Variants in H4C1 observed in about 807,000 individuals in gnomAD.
The protein encoded by H4C1 is histone H4.
Under a neutral mutation model 4.4 loss-of-function variants are expected in H4C1, and 9 were observed. That is an observed-to-expected ratio of 2.05 (90% CI 1.23 to 3.57). The LOEUF (loss-of-function observed/expected upper bound fraction) is 3.57. Among genes scored for constraint, H4C1 ranks in the 30% most tolerant of loss-of-function variants. The pLI, the probability that H4C1 is intolerant of heterozygous loss-of-function variation, is 0.00. For missense variants in H4C1, 124 were observed against 148.8 expected, an observed-to-expected ratio of 0.83 and a Z score of 0.87; for synonymous variants, 74 against 57.9, an observed-to-expected ratio of 1.28 and a Z score of -1.27.
chr6:26,021,782 T>C lies in H4C1; in HGVS notation c.104T>C (p.Ile35Thr). Residue 35 changes from isoleucine to threonine, a missense_variant, in exon 1 of 1, where the codon ATC becomes ACC. By Grantham distance (89) the Ile-to-Thr change is moderately conservative. Coordinates refer to ENST00000617569, the MANE Select transcript of H4C1 (RefSeq NM_003538.4). ...DNIQGITKPAIRRLARRGGVK... is the reference protein window; with the variant it reads ...DNIQGITKPATRRLARRGGVK... ...ATCCAGGGCATCACCAAGCCGGCCA[T>C]CCGGCGTCTGGCCCGGCGTGGCGGT... is the stretch of plus-strand genomic sequence containing the variant. 2 of 1,614,268 alleles carry C rather than the reference T, an allele frequency of 1.2e-6. No homozygotes were observed. The highest frequency in any genetic ancestry group is 1.7e-6 in the Non-Finnish European group (2 of 1,180,036).
chr6:26,022,039 C>T lies in H4C1; in HGVS notation c.*49C>T, dbSNP rs2113668592. 6.7e-7 allele frequency: 1 copy of T among 1,496,548 alleles called. No individual in the cohort carries two copies. Among genetic ancestry groups the T allele is most frequent in the Non-Finnish European group, 9.0e-7 (1 of 1,113,962 alleles). The allele number at this position is 1,496,548 out of a possible 1,614,324, so 92.7% of individuals were successfully genotyped here. A position where few individuals can be genotyped will look rare whatever the true frequency, so the allele number is the denominator to read the frequency against. On this transcript the variant is annotated 3_prime_UTR_variant, in exon 1 of 1. Coordinates refer to ENST00000617569, the MANE Select transcript of H4C1 (RefSeq NM_003538.4). ...GCATTTCTGAACCAAAGGCCCTTTT[C>T]AGGGCCGCCCAACTAAACAAAAGAA...
In H4C1 at chr6:26,021,914, G is replaced by C. The variant is rs143300286; in HGVS notation, c.236G>C (p.Arg79Pro). The C allele has an allele frequency of 1.9e-4, 310 of 1,613,986 alleles. No individual in the cohort carries two copies. The highest frequency in any genetic ancestry group is 1.3e-3 in the Middle Eastern group (8 of 6,084). Residue 79 changes from arginine to proline, a missense_variant, in exon 1 of 1, where the codon CGC (arginine) becomes CCC (proline). By Grantham distance (103) the Arg-to-Pro change is moderately radical. Coordinates refer to ENST00000617569, the MANE Select transcript of H4C1 (RefSeq NM_003538.4). ...GTCACCTATACGGAGCACGCCAAGCGCAAGACAGTCACTGCCATGGACGTG... is the reference window on the plus strand; with the variant it reads ...GTCACCTATACGGAGCACGCCAAGCCCAAGACAGTCACTGCCATGGACGTG... ...DAVTYTEHAK[R>P]KTVTAMDVVY...
rs1421330119 is a variant in H4C1 at position 26,021,853 on chromosome 6, C to T, written c.175C>T (p.Leu59Phe). The change falls in exon 1 of 1, where the codon CTC becomes TTC. Residue 59 changes from leucine to phenylalanine, a missense_variant. Transcript: ENST00000617569. ...GATCTACGAGGAGACTCGCGGGGTG[C>T]TCAAGGTGTTTTTGGAGAACGTGAT... ...GLIYEETRGV[L>F]KVFLENVIRD... 1 of 1,614,234 alleles carries T rather than the reference C, an allele frequency of 6.2e-7. No homozygotes were observed. Among genetic ancestry groups the T allele is most frequent in the South Asian group, 1.1e-5 (1 of 91,084 alleles).
Position 26,021,827 on chromosome 6 carries a change from T to A in H4C1, c.149T>A (p.Leu50Gln). 6.2e-7 allele frequency: 1 copy of A among 1,614,256 alleles called. No individual in the cohort carries two copies. The highest frequency in any genetic ancestry group is 1.3e-5 in the African/African-American group (1 of 75,084). ...RRGGVKRISGLIYEETRGVLK... is the reference protein window; with the variant it reads ...RRGGVKRISGQIYEETRGVLK... ...GGCGGTGTGAAGCGGATCTCTGGTCTGATCTACGAGGAGACTCGCGGGGTG... is the reference window on the plus strand; with the variant it reads ...GGCGGTGTGAAGCGGATCTCTGGTCAGATCTACGAGGAGACTCGCGGGGTG... Residue 50 changes from leucine to glutamine, a missense_variant, in exon 1 of 1, where the codon CTG becomes CAG. Transcript: ENST00000617569.
chr6:26,021,934 G>A lies in H4C1; in HGVS notation c.256G>A (p.Asp86Asn), dbSNP rs769055514. 2 of 1,613,442 alleles carry A rather than the reference G, an allele frequency of 1.2e-6. No individual in the cohort carries two copies. Among genetic ancestry groups the A allele is most frequent in the South Asian group, 2.2e-5 (2 of 91,038 alleles). ...CAAGCGCAAGACAGTCACTGCCATG[G>A]ACGTGGTCTACGCGCTTAAGCGCCA... ...HAKRKTVTAMDVVYALKRQGR... is the reference protein window; with the variant it reads ...HAKRKTVTAMNVVYALKRQGR... Residue 86 changes from aspartate to asparagine, a missense_variant, in exon 1 of 1, where the codon GAC becomes AAC. Transcript: ENST00000617569.
chr6:26,022,033 C>T lies in H4C1; in HGVS notation c.*43C>T, dbSNP rs781561667. ...CAGCTTGCATTTCTGAACCAAAGGC[C>T]CTTTTCAGGGCCGCCCAACTAAACA... On this transcript the variant is annotated 3_prime_UTR_variant, in exon 1 of 1. Transcript: ENST00000617569. The T allele has an allele frequency of 6.6e-7, 1 of 1,519,420 alleles. No individual in the cohort carries two copies. Among genetic ancestry groups the T allele is most frequent in the South Asian group, 1.3e-5 (1 of 75,994 alleles). 94.1% of individuals were successfully genotyped at this position (1,519,420 alleles called of 1,614,324 possible).
rs1396534618 is a variant in H4C1 at position 26,021,653 on chromosome 6, G to C, written c.-26G>C. On this transcript the variant is annotated 5_prime_UTR_variant, in exon 1 of 1. Transcript: ENST00000617569. ...AGATCGGTTTCCTATTCTCTCACTTGCTCTTGGTTCACTTCTTGGGAAGTC... is the reference window on the plus strand; with the variant it reads ...AGATCGGTTTCCTATTCTCTCACTTCCTCTTGGTTCACTTCTTGGGAAGTC... The C allele has an allele frequency of 3.2e-6, 5 of 1,561,632 alleles. No homozygotes were observed. In the African/African-American group the frequency reaches 6.8e-5, roughly 21 times the overall value.
In H4C1 at chr6:26,021,968, C is replaced by T. The variant is rs902831925; in HGVS notation, c.290C>T (p.Thr97Ile). 6.3e-7 allele frequency: 1 copy of T among 1,594,560 alleles called. No individual in the cohort carries two copies. Among genetic ancestry groups the T allele is most frequent in the African/African-American group, 1.3e-5 (1 of 74,494 alleles). ...TACGCGCTTAAGCGCCAGGGACGCA[C>T]CCTTTATGGCTTTGGCGGTTAAGGT... The part of the protein sequence containing the change: ...VVYALKRQGR[T>I]LYGFGG The change falls in exon 1 of 1, where the codon ACC becomes ATC. Residue 97 changes from threonine (T) to isoleucine (I), a missense_variant. Coordinates refer to ENST00000617569, the MANE Select transcript of H4C1 (RefSeq NM_003538.4).
rs1183022622 is a variant in H4C1 at position 26,021,855 on chromosome 6, C to T, written c.177C>T (p.Leu59=). ...TCTACGAGGAGACTCGCGGGGTGCT[C>T]AAGGTGTTTTTGGAGAACGTGATCC... ...GLIYEETRGV[L]KVFLENVIRD... The change falls in exon 1 of 1, where the codon CTC becomes CTT. Residue 59 remains leucine, a synonymous_variant. Transcript: ENST00000617569. 15 of 1,614,118 alleles carry T rather than the reference C, an allele frequency of 9.3e-6. No homozygotes were observed. The highest frequency in any genetic ancestry group is 6.7e-5 in the African/African-American group (5 of 74,954).
At position 26,021,933 on chromosome 6, in the gene H4C1, G is replaced by A. The variant is rs1761265811; in HGVS notation, c.255G>A (p.Met85Ile). 6.2e-7 allele frequency: 1 copy of A among 1,613,328 alleles called. No homozygotes were observed. The highest frequency in any genetic ancestry group is 1.7e-5 in the Admixed American group (1 of 59,956). ...EHAKRKTVTA[M>I]DVVYALKRQG... Reference sequence around the variant, plus strand: ...CCAAGCGCAAGACAGTCACTGCCATGGACGTGGTCTACGCGCTTAAGCGCC... The same window carrying A: ...CCAAGCGCAAGACAGTCACTGCCATAGACGTGGTCTACGCGCTTAAGCGCC... The change falls in exon 1 of 1, where the codon ATG (methionine) becomes ATA (isoleucine). Residue 85 changes from methionine to isoleucine, a missense_variant. Met to Ile is a conservative substitution (Grantham distance 10). Coordinates refer to ENST00000617569, the MANE Select transcript of H4C1 (RefSeq NM_003538.4).
rs199857326 is a variant in H4C1 at position 26,021,923 on chromosome 6, T to G, written c.245T>G (p.Val82Gly). The G allele has an allele frequency of 1.2e-6, 2 of 1,613,844 alleles. No individual in the cohort carries two copies. The highest frequency in any genetic ancestry group is 4.5e-5 in the East Asian group (2 of 44,886). Residue 82 changes from valine to glycine, a missense_variant, in exon 1 of 1, where the codon GTC becomes GGC. Val to Gly is a moderately radical substitution (Grantham distance 109). Coordinates refer to ENST00000617569, the MANE Select transcript of H4C1 (RefSeq NM_003538.4). ...ACGGAGCACGCCAAGCGCAAGACAG[T>G]CACTGCCATGGACGTGGTCTACGCG... is the stretch of plus-strand genomic sequence containing the variant. The part of the protein sequence containing the change: ...TYTEHAKRKT[V>G]TAMDVVYALK...
Position 26,021,963 on chromosome 6 carries a change from A to T in H4C1, c.285A>T (p.Gly95=), listed in dbSNP as rs200711065. 2.5e-6 allele frequency: 4 copies of T among 1,607,430 alleles called. No homozygotes were observed. Among genetic ancestry groups the T allele is most frequent in the African/African-American group, 1.3e-5 (1 of 74,932 alleles). Residue 95 remains glycine, a synonymous_variant, in exon 1 of 1, where the codon GGA becomes GGT. Coordinates refer to ENST00000617569, the MANE Select transcript of H4C1 (RefSeq NM_003538.4). ...MDVVYALKRQ[G]RTLYGFGG is the part of the protein sequence containing the mutation. ...TGGTCTACGCGCTTAAGCGCCAGGG[A>T]CGCACCCTTTATGGCTTTGGCGGTT...
rs1396534618 is a variant in H4C1, at chr6:26,021,653, G to A, written c.-26G>A. ...AGATCGGTTTCCTATTCTCTCACTT[G>A]CTCTTGGTTCACTTCTTGGGAAGTC... On this transcript the variant is annotated 5_prime_UTR_variant, in exon 1 of 1. Transcript: ENST00000617569. 3.2e-6 allele frequency: 5 copies of A among 1,561,632 alleles called. No individual in the cohort carries two copies. In the East Asian group the frequency reaches 9.0e-5, roughly 28 times the overall value.
chr6:26,021,712 G>A lies in H4C1; in HGVS notation c.34G>A (p.Gly12Ser). 3.7e-6 allele frequency: 6 copies of A among 1,612,678 alleles called. No individual in the cohort carries two copies. The highest frequency in any genetic ancestry group is 4.2e-6 in the Non-Finnish European group (5 of 1,179,100). Reference protein sequence around the residue: ...SGRGKGGKGLGKGGAKRHRKV... With the variant: ...SGRGKGGKGLSKGGAKRHRKV... Reference sequence around the variant, plus strand: ...ACGTGGTAAGGGCGGGAAGGGTTTGGGTAAGGGGGGTGCCAAGCGCCACCG... The same window carrying A: ...ACGTGGTAAGGGCGGGAAGGGTTTGAGTAAGGGGGGTGCCAAGCGCCACCG... The change falls in exon 1 of 1, where the codon GGT (glycine) becomes AGT (serine). Residue 12 changes from glycine (G) to serine (S), a missense_variant. Coordinates refer to ENST00000617569, the MANE Select transcript of H4C1 (RefSeq NM_003538.4).
chr6:26,021,920 C>G lies in H4C1; in HGVS notation c.242C>G (p.Thr81Arg), dbSNP rs1414545615. 1 of 1,613,852 alleles carries G rather than the reference C, an allele frequency of 6.2e-7. No individual in the cohort carries two copies. Among genetic ancestry groups the G allele is most frequent in the Non-Finnish European group, 8.5e-7 (1 of 1,179,868 alleles). ...VTYTEHAKRK[T>R]VTAMDVVYAL... ...TATACGGAGCACGCCAAGCGCAAGA[C>G]AGTCACTGCCATGGACGTGGTCTAC... The change falls in exon 1 of 1, where the codon ACA becomes AGA. Residue 81 changes from threonine (T) to arginine (R), a missense_variant. Thr to Arg is a moderately conservative substitution (Grantham distance 71). Transcript: ENST00000617569.
At position 26,021,748 on chromosome 6, in the gene H4C1, C is replaced by A. The variant is rs1453895582; in HGVS notation, c.70C>A (p.Arg24Ser). The A allele has an allele frequency of 6.2e-7, 1 of 1,614,062 alleles. No homozygotes were observed. The highest frequency in any genetic ancestry group is 1.3e-5 in the African/African-American group (1 of 74,952). ...GGAKRHRKVLRDNIQGITKPA... is the reference protein window; with the variant it reads ...GGAKRHRKVLSDNIQGITKPA... ...TGCCAAGCGCCACCGCAAGGTGTTGCGTGACAACATCCAGGGCATCACCAA... is the reference window on the plus strand; with the variant it reads ...TGCCAAGCGCCACCGCAAGGTGTTGAGTGACAACATCCAGGGCATCACCAA... The change falls in exon 1 of 1, where the codon CGT (arginine) becomes AGT (serine). Residue 24 changes from arginine (R) to serine (S), a missense_variant. By Grantham distance (110) the Arg-to-Ser change is moderately radical (BLOSUM62 -1). Transcript: ENST00000617569.
rs1288771063 is a variant in H4C1 at position 26,021,787 on chromosome 6, C to T, written c.109C>T (p.Arg37Cys). The T allele has an allele frequency of 1.2e-5, 19 of 1,614,158 alleles. No homozygotes were observed. The highest frequency in any genetic ancestry group is 1.6e-5 in the Non-Finnish European group (19 of 1,180,046). The change falls in exon 1 of 1, where the codon CGT becomes TGT. Residue 37 changes from arginine to cysteine, a missense_variant. Physicochemically the swap from Arg to Cys is radical, Grantham distance 180. Transcript: ENST00000617569. ...IQGITKPAIR[R>C]LARRGGVKRI... is the part of the protein sequence containing the mutation. ...GGGCATCACCAAGCCGGCCATCCGG[C>T]GTCTGGCCCGGCGTGGCGGTGTGAA...
In H4C1 at chr6:26,022,016, A is replaced by G. The variant is rs3734528; in HGVS notation, c.*26A>G. ...GGTTGCTGATTTCTCCACAGCTTGCATTTCTGAACCAAAGGCCCTTTTCAG... is the reference window on the plus strand; with the variant it reads ...GGTTGCTGATTTCTCCACAGCTTGCGTTTCTGAACCAAAGGCCCTTTTCAG... On this transcript the variant is annotated 3_prime_UTR_variant, in exon 1 of 1. Coordinates refer to ENST00000617569, the MANE Select transcript of H4C1 (RefSeq NM_003538.4). 0.11 allele frequency: 162,484 copies of G among 1,537,324 alleles called. 9,313 individuals carry two copies. The highest frequency in any genetic ancestry group is 0.12 in the Non-Finnish European group (135,268 of 1,142,678).
rs1172846291 is a variant in H4C1, at chr6:26,021,656, C to T, written c.-23C>T. ...TCGGTTTCCTATTCTCTCACTTGCT[C>T]TTGGTTCACTTCTTGGGAAGTCATG... On this transcript the variant is annotated 5_prime_UTR_variant, in exon 1 of 1. Coordinates refer to ENST00000617569, the MANE Select transcript of H4C1 (RefSeq NM_003538.4). The T allele has an allele frequency of 1.9e-6, 3 of 1,568,626 alleles. No homozygotes were observed. Among genetic ancestry groups the T allele is most frequent in the Non-Finnish European group, 2.6e-6 (3 of 1,154,154 alleles).
Sources: gnomAD v4.1 joint callset for allele counts on GRCh38, gnomAD v4.1.1 for gene constraint, MANE v1.5 for transcripts, NCBI Gene and HGNC (gene_info 2026-07-23, HGNC 2026-07-21) for gene names.